VAV2: variants seen among roughly 807,000 people sequenced by gnomAD.
VAV2 encodes the protein vav guanine nucleotide exchange factor 2, also known as guanine nucleotide exchange factor VAV2.
VAV2 carries 67 observed loss-of-function variants against 132.5 expected under a neutral mutation model. That is an observed-to-expected ratio of 0.51 (90% CI 0.42 to 0.62). The LOEUF is 0.62. Among genes scored for constraint, VAV2 ranks in the 20% least tolerant of loss-of-function variants. The pLI is 0.00. For missense variants in VAV2, 938 were observed against 1,153.6 expected, an observed-to-expected ratio of 0.81 and a Z score of 2.71; for synonymous variants, 492 against 443.5, an observed-to-expected ratio of 1.11 and a Z score of -1.37.
intron 4 of VAV2, among the ~76,000 whole-genome samples, chr9:133,818,684 C>T (rs1835665816): frequency 6.6e-6 from 1 of 152,192 alleles, no homozygotes; most frequent in Non-Finnish European, 1.5e-5. Flanking sequence ...TAATAAATCC[C>T]CCCAGCCATC....
chr9:133,824,375 G>C lies in VAV2; in HGVS notation c.449+9897C>G, dbSNP rs928437666. ...CGAGAACAGACACAGCAGAGACCAGGACCCTCCTAAAACCCCAGCCCAAAA... is the reference window on the plus strand; with the variant it reads ...CGAGAACAGACACAGCAGAGACCAGCACCCTCCTAAAACCCCAGCCCAAAA... On this transcript the variant is annotated intron_variant, in intron 4 of 29. Coordinates refer to ENST00000371850, the MANE Select transcript of VAV2 (RefSeq NM_001134398.2). The surrounding 1 kb of genome is among the most constrained non-coding windows in gnomAD (Gnocchi z 5.2). Among the ~76,000 whole-genome samples, 4 of 151,902 alleles carry C rather than the reference G, an allele frequency of 2.6e-5. No individual in the cohort carries two copies. The highest frequency in any genetic ancestry group is 7.3e-5 in the African/African-American group (3 of 41,294).
intron 22 of VAV2, 119 bp downstream of exon 22, chr9:133,778,643 G>A: frequency 1.4e-6 from 2 of 1,424,952 alleles, no homozygotes; most frequent in Non-Finnish European, 1.9e-6. Context: ...CCTCCTCCCT[G>A]GTGGTCTCTC....
At chr9:133,965,567 A>T (rs1026098551) in intron 1 of VAV2, among the ~76,000 whole-genome samples, 1 of 152,212 alleles carries the variant, frequency 6.6e-6, no homozygotes, top group South Asian at 2.1e-4. Context: ...TTCTAGGAAT[A>T]AATTTAACCA....
At chr9:133,767,392 A>G (rs111442146) in intron 29 of VAV2, among the ~76,000 whole-genome samples, 1 of 152,370 alleles carries the variant, frequency 6.6e-6, no homozygotes, top group East Asian at 1.9e-4. Context: ...TAATGGTAAC[A>G]GGGTCAAATT....
intron 3 of VAV2, among the ~76,000 whole-genome samples, chr9:133,854,597 C>T (rs1301695951): frequency 1.3e-5 from 2 of 152,164 alleles, no homozygotes; most frequent in Non-Finnish European, 2.9e-5. Flanking sequence ...GCTGGTGACT[C>T]GAGCCTACCC....
In VAV2 at chr9:133,788,222, G is replaced by GGCCC; in HGVS notation, c.1407+131_1407+132insGGGC. Reference sequence around the variant, plus strand: ...AGGAGCCTTCCTGCAGAGCGGAGACGCCCACCCCAACCCACCCGGCCAGCA... The same window carrying GGCCC: ...AGGAGCCTTCCTGCAGAGCGGAGACGGCCCCCCACCCCAACCCACCCGGCCAGCA... On this transcript the variant is annotated intron_variant, in intron 15 of 29. Coordinates refer to ENST00000371850, the MANE Select transcript of VAV2 (RefSeq NM_001134398.2). The surrounding 1 kb of genome is among the most constrained non-coding windows in gnomAD (Gnocchi z 5.3). 2.3e-5 allele frequency: 14 copies of GGCCC among 618,162 alleles called. No individual in the cohort carries two copies. The highest frequency in any genetic ancestry group is 4.0e-5 in the Non-Finnish European group (14 of 351,096). 38.3% of individuals were successfully genotyped at this position (618,162 alleles called of 1,614,324 possible). A position where few individuals can be genotyped will look rare whatever the true frequency, so the allele number is the denominator to read the frequency against.
intron 1 of VAV2, among the ~76,000 whole-genome samples, chr9:133,958,259 A>G (rs1588171519): frequency 7.9e-6 from 1 of 125,928 alleles, no homozygotes; most frequent in East Asian, 2.3e-4. Flanking sequence ...GACAAGAGGA[A>G]GGCATCTGTC....
chr9:133,948,382 C>T (rs1310537772), intron 1 of VAV2, among the ~76,000 whole-genome samples: 8 of 152,212 alleles, frequency 5.3e-5, no homozygotes, highest in African/African-American at 1.4e-4. Context: ...AGCTGGGGTG[C>T]GGAGCTGCTC....
intron 1 of VAV2, among the ~76,000 whole-genome samples, chr9:133,978,381 CT>C (rs1256703119): frequency 6.6e-6 from 1 of 152,242 alleles, no homozygotes; most frequent in Non-Finnish European, 1.5e-5. Flanking sequence ...CTCCCCACCC[CT>C]ATGCAGATTT....
chr9:133,955,537 T>C, intron 1 of VAV2, among the ~76,000 whole-genome samples: 1 of 41,584 alleles, frequency 2.4e-5, no homozygotes. Context: ...ATTCCCCACA[T>C]GCTCCTCCCC....
chr9:133,876,309 C>T (rs60714153), intron 2 of VAV2, among the ~76,000 whole-genome samples: 3 of 152,384 alleles, frequency 2.0e-5, no homozygotes, highest in African/African-American at 7.2e-5. Context: ...CATTCAGGCA[C>T]GCCCTGCTCC....
rs56950622 is a variant in VAV2 at position 133,765,899 on chromosome 9, C to T, written c.2590-1790G>A. 4.3e-3 allele frequency among the ~76,000 whole-genome samples: 662 copies of T among 152,186 alleles called. 2 individuals carry two copies. The highest frequency in any genetic ancestry group is 0.015 in the African/African-American group (621 of 41,480). On this transcript the variant is annotated intron_variant, in intron 29 of 29. Coordinates refer to ENST00000371850, the MANE Select transcript of VAV2 (RefSeq NM_001134398.2). ...TTGGTAAATCTGGGCAGGTTACTGA[C>T]ACTTTTAAGTTGAAATTTTGAAATT...
rs906397287 is a variant in VAV2 at position 133,834,769 on chromosome 9, G to C, written c.381-429C>G. On this transcript the variant is annotated intron_variant, in intron 3 of 29. Coordinates refer to ENST00000371850, the MANE Select transcript of VAV2 (RefSeq NM_001134398.2). The surrounding 1 kb of genome is among the most constrained non-coding windows in gnomAD (Gnocchi z 5.9). ...TGGGAGGGCTGCCAGCTCAGTCCAC[G>C]CAGGAGAGGAAGCAGGAGGGGACTC... Among the ~76,000 whole-genome samples the C allele has an allele frequency of 3.3e-5, 5 of 152,198 alleles. No individual in the cohort carries two copies. The highest frequency in any genetic ancestry group is 7.3e-5 in the Non-Finnish European group (5 of 68,028).
rs1588171218 is a variant in VAV2 at position 133,785,820 on chromosome 9, T to A, written c.1488A>T (p.Thr496=). The A allele has an allele frequency of 1.9e-6, 3 of 1,614,116 alleles. No individual in the cohort carries two copies. The East Asian group carries it at 6.7e-5, about 36-fold the overall frequency. ...GKQGFQFFCK[T]EDMKRKWMEQ... Reference sequence around the variant, plus strand: ...CCATCCACTTCCTCTTCATATCTTCTGTTTTGCAGAAAAACTGGAAGCCCT... The same window carrying A: ...CCATCCACTTCCTCTTCATATCTTCAGTTTTGCAGAAAAACTGGAAGCCCT... The change falls in exon 17 of 30, where the codon ACA becomes ACT. Residue 496 remains threonine, a synonymous_variant. Transcript: ENST00000371850.
chr9:133,788,531 T>C lies in VAV2; in HGVS notation c.1275-45A>G, dbSNP rs572462168. ...GGGGGATCAGCACCCCAGCACTGTG[T>C]GCTCTGCTCCGAGGAGGCGGCAGGA... On this transcript the variant is annotated intron_variant, in intron 14 of 29. Transcript: ENST00000371850. This position sits in a 1 kb window ranked among gnomAD's most constrained non-coding sequence, Gnocchi z 5.3. 6.3e-6 allele frequency: 10 copies of C among 1,579,992 alleles called. No homozygotes were observed. In the African/African-American group the frequency reaches 1.3e-4, roughly 21 times the overall value.
rs150418135 is a variant in VAV2 at position 133,939,181 on chromosome 9, G to T, written c.243C>A (p.Val81=). ...TCCTTAATCCAAATTTATCGTGGCAGACTTTCAGGAAGGTGCGTATGTTCT... is the reference window on the plus strand; with the variant it reads ...TCCTTAATCCAAATTTATCGTGGCATACTTTCAGGAAGGTGCGTATGTTCT... ...CLKNIRTFLK[V]CHDKFGLRNS... The change falls in exon 2 of 30, where the codon GTC becomes GTA. Residue 81 remains valine (V), a synonymous_variant. Transcript: ENST00000371850. 1 of 1,614,132 alleles carries T rather than the reference G, an allele frequency of 6.2e-7. No homozygotes were observed. Among genetic ancestry groups the T allele is most frequent in the Non-Finnish European group, 8.5e-7 (1 of 1,180,056 alleles).
chr9:133,872,338 C>A (rs1308238140), intron 2 of VAV2, among the ~76,000 whole-genome samples: 2 of 152,242 alleles, frequency 1.3e-5, no homozygotes, highest in Non-Finnish European at 2.9e-5. Flanking sequence ...CATGGCTGTG[C>A]TGGGTGGGTG....
At position 133,974,118 on chromosome 9, in the gene VAV2, C is replaced by G. The variant is rs140447069; in HGVS notation, c.204+17957G>C. Among the ~76,000 whole-genome samples the G allele has an allele frequency of 6.0e-3, 919 of 152,288 alleles. 9 individuals are homozygous for G. Among genetic ancestry groups the G allele is most frequent in the African/African-American group, 0.02 (850 of 41,560 alleles). ...AAGCCCCAGACCCTGCCCCACCCAC[C>G]CGCTGCCACATTCCTGGCAGGGCCC... On this transcript the variant is annotated intron_variant, in intron 1 of 29. Transcript: ENST00000371850.
intron 2 of VAV2, among the ~76,000 whole-genome samples, chr9:133,906,197 T>C (rs10114577): frequency 0.14 from 21,773 of 152,190 alleles, 1,693 homozygotes; most frequent in Middle Eastern, 0.23. Flanking sequence ...TGTGGGGACC[T>C]TCAAACATCC....
Sources: allele counts gnomAD v4.1 joint callset (sites outside exome capture counted in the v4.1 genomes callset), GRCh38; gene constraint gnomAD v4.1.1; non-coding constraint Gnocchi (gnomAD v3.1); transcripts MANE v1.5; gene names NCBI Gene and HGNC (gene_info 2026-07-23, HGNC 2026-07-21).